Variants in TAFA2 observed in about 807,000 individuals in gnomAD.
TAFA2 encodes the protein chemokine-like protein TAFA-2.
In TAFA2, 7 loss-of-function variants were observed where a neutral mutation model predicts 18.8. That is an observed-to-expected ratio of 0.37 (90% CI 0.21 to 0.70). The LOEUF (loss-of-function observed/expected upper bound fraction) is 0.70. Among genes scored for constraint, TAFA2 ranks in the 30% least tolerant of loss-of-function variants. The pLI is 0.53. For synonymous variants in TAFA2, 60 were observed against 54.2 expected (o/e 1.11, Z -0.47); for missense variants, 122 against 158.1 (o/e 0.77, Z 1.23).
At chr12:62,091,563 G>T (rs1482548556) in intron 1 of TAFA2, among the ~76,000 whole-genome samples, 1 of 151,954 alleles carries the variant, frequency 6.6e-6, no homozygotes, top group East Asian at 1.9e-4. Flanking sequence ...CCATGAAGCT[G>T]AGGTGGTAGC....
At chr12:62,072,808 T>C (rs1882667004) in intron 1 of TAFA2, among the ~76,000 whole-genome samples, 2 of 151,796 alleles carry the variant, frequency 1.3e-5, no homozygotes, top group African/African-American at 4.8e-5. Flanking sequence ...AATAATCCAT[T>C]CCAAAGATCA....
At chr12:61,816,064 C>G (rs1872072042) in intron 2 of TAFA2, among the ~76,000 whole-genome samples, 1 of 151,190 alleles carries the variant, frequency 6.6e-6, no homozygotes, top group South Asian at 2.1e-4. Flanking sequence ...ATGTGAACAT[C>G]TGATACATAG....
chr12:61,852,206 CAAAAAAAAA>C (rs200785282), intron 2 of TAFA2, among the ~76,000 whole-genome samples: 2 of 83,188 alleles, frequency 2.4e-5, no homozygotes, highest in East Asian at 7.0e-4. Flanking sequence ...AACTTCGTCT[CAAAAAAAAA>C]AAAAAAAGAA....
intron 1 of TAFA2, among the ~76,000 whole-genome samples, chr12:62,032,259 G>A (rs1431379149): frequency 6.6e-6 from 1 of 151,996 alleles, no homozygotes; most frequent in Non-Finnish European, 1.5e-5. Flanking sequence ...GCTGAGAAAG[G>A]GTACAGGAAA....
intron 2 of TAFA2, among the ~76,000 whole-genome samples, chr12:61,826,916 A>C (rs1348544117): frequency 6.6e-6 from 1 of 152,104 alleles, no homozygotes. Flanking sequence ...TACAAATATC[A>C]GAAAAAAATT....
chr12:61,724,273 C>G (rs1372572139), intron 4 of TAFA2, among the ~76,000 whole-genome samples: 1 of 152,036 alleles, frequency 6.6e-6, no homozygotes, highest in Non-Finnish European at 1.5e-5. Context: ...GAATGTGGAA[C>G]TGCATGAACA....
intron 1 of TAFA2, among the ~76,000 whole-genome samples, chr12:62,152,066 C>A (rs974040280): frequency 2.6e-5 from 4 of 152,132 alleles, no homozygotes; most frequent in African/African-American, 9.7e-5. Flanking sequence ...GTAAAATACA[C>A]AACAGAATGC....
At chr12:62,055,177 T>C (rs1882156640) in intron 1 of TAFA2, among the ~76,000 whole-genome samples, 1 of 152,166 alleles carries the variant, frequency 6.6e-6, no homozygotes, top group South Asian at 2.1e-4. Context: ...CCCCACCATA[T>C]ACTGAATCTG....
At chr12:61,923,216 C>A (rs1877133590) in intron 1 of TAFA2, among the ~76,000 whole-genome samples, 2 of 152,144 alleles carry the variant, frequency 1.3e-5, no homozygotes, top group South Asian at 4.1e-4. Flanking sequence ...CAGTAGATCT[C>A]CCAGCACAAA....
chr12:62,022,064 C>G (rs1881159628), intron 1 of TAFA2: 1 of 561,982 alleles, frequency 1.8e-6, no homozygotes, highest in African/African-American at 1.9e-5. Context: ...CTCTGGAAAA[C>G]CAAACCTCTT....
intron 1 of TAFA2, among the ~76,000 whole-genome samples, chr12:61,916,855 A>T: frequency 6.6e-6 from 1 of 152,246 alleles, no homozygotes; most frequent in East Asian, 1.9e-4. Flanking sequence ...AAAAATAATT[A>T]AGGAAGGATA....
intron 1 of TAFA2, among the ~76,000 whole-genome samples, chr12:62,107,950 A>C (rs1869534691): frequency 6.6e-6 from 1 of 152,016 alleles, no homozygotes; most frequent in Non-Finnish European, 1.5e-5. Flanking sequence ...TTACCTTTTC[A>C]TGGCTTTTTT....
chr12:62,238,466 C>T (rs1050955911), intron 1 of TAFA2, among the ~76,000 whole-genome samples: 2 of 152,154 alleles, frequency 1.3e-5, no homozygotes, highest in Non-Finnish European at 2.9e-5. Flanking sequence ...AAATATTTTA[C>T]CTACATTATC....
At chr12:61,944,506 GA>G (rs1442783905) in intron 1 of TAFA2, among the ~76,000 whole-genome samples, 1 of 122,544 alleles carries the variant, frequency 8.2e-6, no homozygotes, top group Admixed American at 8.4e-5. Flanking sequence ...AAAAATCAAT[GA>G]ATCCAGGAGC....
intron 1 of TAFA2, among the ~76,000 whole-genome samples, chr12:62,119,523 A>G (rs1870104311): frequency 1.3e-5 from 2 of 152,202 alleles, no homozygotes. Flanking sequence ...AAGCATAATC[A>G]TTGCTCCACA....
intron 1 of TAFA2, among the ~76,000 whole-genome samples, chr12:62,115,128 T>TTTTAATTCTAAGCCTAGAAA (rs1869905953): frequency 6.7e-6 from 1 of 149,792 alleles, no homozygotes; most frequent in Non-Finnish European, 1.5e-5. Context: ...TCCATTTTAA[T>TTTTAATTCTAAGCCTAGAAA]TTTAATTCTA....
At chr12:61,875,450 G>A (rs898203300) in intron 1 of TAFA2, among the ~76,000 whole-genome samples, 2 of 151,904 alleles carry the variant, frequency 1.3e-5, no homozygotes, top group East Asian at 1.9e-4. Flanking sequence ...AATAAGGTAC[G>A]GTTATATAGT....
chr12:61,988,319 C>T (rs564725452), intron 1 of TAFA2, among the ~76,000 whole-genome samples: 45 of 151,970 alleles, frequency 3.0e-4, no homozygotes, highest in African/African-American at 9.6e-4. Context: ...TTATAAAATG[C>T]CCCAAGATTT....
intron 1 of TAFA2, among the ~76,000 whole-genome samples, chr12:62,167,518 G>A (rs11174358): frequency 0.12 from 17,925 of 152,160 alleles, 1,453 homozygotes; most frequent in East Asian, 0.33. Context: ...TGATATCCAG[G>A]ATTTCAAGCG....
Sources: gnomAD v4.1 joint callset for allele counts (sites outside exome capture counted in the v4.1 genomes callset) on GRCh38, gnomAD v4.1.1 for gene constraint, MANE v1.5 for transcripts, NCBI Gene and HGNC (gene_info 2026-07-23, HGNC 2026-07-21) for gene names.